Variants in CDH26 observed in about 807,000 individuals in gnomAD.
CDH26 encodes the protein cadherin-like protein 26.
A neutral mutation model predicts 90.3 loss-of-function variants in CDH26; 83 were observed. That is an observed-to-expected ratio of 0.92 (90% CI 0.77 to 1.10). The LOEUF is 1.10. CDH26 is among the 50% of genes least tolerant of loss of function. The pLI, the probability that CDH26 is intolerant of heterozygous loss-of-function variation, is 0.00. For missense variants in CDH26, 1,013 were observed against 1,037.6 expected, an observed-to-expected ratio of 0.98 and a Z score of 0.33; for synonymous variants, 397 against 396.3, an observed-to-expected ratio of 1.00 and a Z score of -0.02.
Position 60,001,348 on chromosome 20 carries a change from C to A in CDH26, c.2103C>A (p.Leu701=). 6.2e-7 allele frequency: 1 copy of A among 1,613,966 alleles called. No individual in the cohort carries two copies. The highest frequency in any genetic ancestry group is 8.5e-7 in the Non-Finnish European group (1 of 1,179,986). ...AATCAGCATTTTCCCTCTAGGATCT[C>A]GAGGAAGTGCCTCCATCTGCAGCGA... ...AAGPTQGVKD[L]EEVPPSAASQ... The change falls in exon 15 of 18, where the codon CTC becomes CTA. Residue 701 remains leucine (L), a synonymous_variant. Transcript: ENST00000348616.
chr20:60,034,530 T>C (rs1462066581), downstream of CDH26, among the ~76,000 whole-genome samples: 1 of 152,094 alleles, frequency 6.6e-6, no homozygotes, highest in East Asian at 1.9e-4. Flanking sequence ...TAAAAATACC[T>C]TGGTCAGGGG....
intron 13 of CDH26, among the ~76,000 whole-genome samples, chr20:59,999,119 C>A (rs1379903603): frequency 6.6e-6 from 1 of 152,190 alleles, no homozygotes; most frequent in African/African-American, 2.4e-5. Context: ...GCCTTCCCTG[C>A]ATGTGGGGAA....
At chr20:60,027,304 G>A (rs950796364) in intron 7 of CDH26, among the ~76,000 whole-genome samples, 1 of 152,052 alleles carries the variant, frequency 6.6e-6, no homozygotes. Flanking sequence ...TTTTTCCCTC[G>A]ATATAGAAAA....
At position 60,013,363 on chromosome 20, in the gene CDH26, A is replaced by G. The variant is rs2061873432; in HGVS notation, c.*633A>G. 6.6e-6 allele frequency: 1 copy of G among 152,364 alleles called. No homozygotes were observed. Among genetic ancestry groups the G allele is most frequent in the Non-Finnish European group, 1.5e-5 (1 of 68,032 alleles). The allele number at this position is 152,364 out of a possible 1,614,324, so 9.4% of individuals were successfully genotyped here. On this transcript the variant is annotated 3_prime_UTR_variant, in exon 18 of 18. Coordinates refer to ENST00000348616, the MANE Select transcript of CDH26 (RefSeq NM_177980.4). ...AGCTGACATAATTTAACTTGTATGTATTATGTAAGTAAAAGAGTTAGGAGC... is the reference window on the plus strand; with the variant it reads ...AGCTGACATAATTTAACTTGTATGTGTTATGTAAGTAAAAGAGTTAGGAGC...
chr20:60,016,875 A>G (rs754602549), downstream of CDH26, among the ~76,000 whole-genome samples: 16 of 152,246 alleles, frequency 1.1e-4, no homozygotes, highest in African/African-American at 3.4e-4. Context: ...TGAGATAATC[A>G]TATGGTTTTT....
intron 10 of CDH26, among the ~76,000 whole-genome samples, chr20:59,993,761 C>G (rs1387708941): frequency 6.6e-6 from 1 of 152,202 alleles, no homozygotes; most frequent in African/African-American, 2.4e-5. Context: ...ATTGTAGATT[C>G]ACTTGCAGTT....
At chr20:59,975,977 A>G (rs2061323858) in intron 4 of CDH26, among the ~76,000 whole-genome samples, 1 of 152,084 alleles carries the variant, frequency 6.6e-6, no homozygotes, top group Non-Finnish European at 1.5e-5. Context: ...AAAAGTTTCA[A>G]TTTTTTTCTG....
At position 59,972,001 on chromosome 20, in the gene CDH26, C is replaced by T; in HGVS notation, c.271C>T (p.Leu91=). The T allele has an allele frequency of 6.2e-7, 1 of 1,613,516 alleles. No homozygotes were observed. Among genetic ancestry groups the T allele is most frequent in the Non-Finnish European group, 8.5e-7 (1 of 1,179,500 alleles). ...GTCTTATAACATGTCACTAATGTAT[C>T]TAATCAGTGGACCTGGTGTGGATGA... ...NMSYNMSLMY[L]ISGPGVDEYP... Residue 91 remains leucine (L), a synonymous_variant, in exon 4 of 18, where the codon CTA becomes TTA. Transcript: ENST00000348616.
At chr20:59,983,152 C>T (rs2061414407) in intron 5 of CDH26, 82 bp downstream of exon 5, 1 of 1,482,546 alleles carries the variant, frequency 6.7e-7, no homozygotes, top group Non-Finnish European at 9.1e-7. Flanking sequence ...GAGCTTGATC[C>T]TAGTCATCTT....
At chr20:59,977,835 T>C (rs2061345112) in intron 4 of CDH26, among the ~76,000 whole-genome samples, 1 of 152,228 alleles carries the variant, frequency 6.6e-6, no homozygotes, top group African/African-American at 2.4e-5. Flanking sequence ...TCTTACGTTT[T>C]ATGGGTTTCG....
intron 4 of CDH26, among the ~76,000 whole-genome samples, chr20:59,976,565 G>A (rs1331898098): frequency 6.6e-6 from 1 of 152,224 alleles, no homozygotes; most frequent in African/African-American, 2.4e-5. Flanking sequence ...AAGGAGCAAA[G>A]AGTTGCCAGC....
intron 1 of CDH26, among the ~76,000 whole-genome samples, chr20:59,959,412 T>C (rs1347975040): frequency 7.3e-6 from 1 of 137,850 alleles, no homozygotes; most frequent in Non-Finnish European, 1.6e-5. Flanking sequence ...CACACACAAT[T>C]TTTTTTTTTT....
intron 16 of CDH26, among the ~76,000 whole-genome samples, chr20:60,005,044 CCCT>C (rs1194050952): frequency 6.6e-6 from 1 of 151,582 alleles, no homozygotes; most frequent in African/African-American, 2.4e-5. Flanking sequence ...CCCTTCTTCT[CCCT>C]CCTCCTCTTC....
chr20:59,990,380 A>G (rs2145991878), intron 9 of CDH26, among the ~76,000 whole-genome samples: 1 of 152,188 alleles, frequency 6.6e-6, no homozygotes, highest in East Asian at 1.9e-4. Flanking sequence ...AGGGGTCATG[A>G]GTCATGCCCC....
chr20:59,976,719 GT>G (rs2061332450), intron 4 of CDH26, among the ~76,000 whole-genome samples: 1 of 152,160 alleles, frequency 6.6e-6, no homozygotes, highest in African/African-American at 2.4e-5. Flanking sequence ...CAGTCCTGCT[GT>G]GGGGGAGGAG....
At position 59,996,762 on chromosome 20, in the gene CDH26, G is replaced by T; in HGVS notation, c.2019+1G>T. 6.2e-7 allele frequency: 1 copy of T among 1,614,208 alleles called. No individual in the cohort carries two copies. Among genetic ancestry groups the T allele is most frequent in the African/African-American group, 1.3e-5 (1 of 75,060 alleles). ...GGAGAGCAAAGGCACTTCAGCCCAGGTAGTGGAATGTCATGCTTTGTGTCT... is the reference window on the plus strand; with the variant it reads ...GGAGAGCAAAGGCACTTCAGCCCAGTTAGTGGAATGTCATGCTTTGTGTCT... On this transcript the variant is annotated splice_donor_variant, in intron 13 of 17. Transcript: ENST00000348616. LOFTEE classifies it high-confidence loss of function.
chr20:59,996,067 TA>T lies in CDH26; in HGVS notation c.1888+14del. ...GTGGCTCTGGCAGGTCAGTGGTCTG[TA>T]GGGGTGTCCTGGGACTGTGGCTCCT... On this transcript the variant is annotated intron_variant, in intron 12 of 17. Transcript: ENST00000348616. 1 of 1,609,244 alleles carries T rather than the reference TA, an allele frequency of 6.2e-7. No individual in the cohort carries two copies. Among genetic ancestry groups the T allele is most frequent in the South Asian group, 1.1e-5 (1 of 90,926 alleles).
In CDH26 at chr20:60,026,324, T is replaced by C. The variant is rs115504152; in HGVS notation, c.948-4907T>C. 8.6e-3 allele frequency among the ~76,000 whole-genome samples: 1,300 copies of C among 151,878 alleles called. 19 individuals are homozygous for C. The highest frequency in any genetic ancestry group is 0.029 in the African/African-American group (1,196 of 41,400). On this transcript the variant is annotated intron_variant, in intron 7 of 8. Transcript: ENST00000370991. ...TGTAAAATAGGGCATTGATCTTGCATCTTGTGTGTGGGCCCAGTGCAATTC... is the reference window on the plus strand; with the variant it reads ...TGTAAAATAGGGCATTGATCTTGCACCTTGTGTGTGGGCCCAGTGCAATTC...
chr20:59,968,951 T>C lies in CDH26; in HGVS notation c.70-16T>C. On this transcript the variant is annotated splice_polypyrimidine_tract_variant and intron_variant, in intron 1 of 17. Coordinates refer to ENST00000348616, the MANE Select transcript of CDH26 (RefSeq NM_177980.4). ...AAGAATATTCTCTACTAATTAATAT[T>C]ATTTTTATTTTTAAGGTCAGTATCA... The C allele has an allele frequency of 7.1e-7, 1 of 1,409,360 alleles. No homozygotes were observed. The highest frequency in any genetic ancestry group is 1.0e-6 in the Non-Finnish European group (1 of 1,003,010). 87.3% of individuals were successfully genotyped at this position (1,409,360 alleles called of 1,614,324 possible).
Sources: gnomAD v4.1 joint callset for allele counts (sites outside exome capture counted in the v4.1 genomes callset) on GRCh38, gnomAD v4.1.1 for gene constraint, MANE v1.5 for transcripts, NCBI Gene and HGNC (gene_info 2026-07-23, HGNC 2026-07-21) for gene names.